The following FBXL13 variants were observed in gnomAD, a reference collection of about 807,000 sequenced individuals.
FBXL13 encodes F-box and leucine rich repeat protein 13, also known as F-box and leucine-rich repeat protein 13.
FBXL13 carries 67 observed loss-of-function variants against 83.6 expected under a neutral mutation model. The observed-to-expected ratio is 0.80, with a 90% CI of 0.66 to 0.98. FBXL13 has a LOEUF of 0.98. FBXL13 is among the 50% of genes least tolerant of loss of function. FBXL13 has a pLI of 0.00. For synonymous variants in FBXL13, 272 were observed against 299.5 expected (o/e 0.91, Z 0.95); for missense variants, 822 against 866.5 (o/e 0.95, Z 0.64).
chr7:102,936,397 A>G (rs1585030522), intron 8 of FBXL13: 1 of 152,210 alleles, frequency 6.6e-6, no homozygotes, highest in Non-Finnish European at 1.5e-5. Context: ...TCACCCTGCA[A>G]TCTTCCAGAA....
chr7:102,875,079 A>T (rs1437528035), intron 16 of FBXL13, among the ~76,000 whole-genome samples: 1 of 152,132 alleles, frequency 6.6e-6, no homozygotes, highest in Non-Finnish European at 1.5e-5. Context: ...ATGTGCTTTG[A>T]TTCTCTACTT....
chr7:102,949,267 AT>A (rs925379925), intron 8 of FBXL13, among the ~76,000 whole-genome samples: 7 of 151,834 alleles, frequency 4.6e-5, no homozygotes, highest in South Asian at 2.1e-4. Context: ...ATCTCTGAGA[AT>A]TTTTTTTTAA....
At position 102,893,510 on chromosome 7, in the gene FBXL13, T is replaced by G. The variant is rs553497172; in HGVS notation, c.1009-9198A>C. ...GGCTGGGCGCGGTGGCTCGCGCCTG[T>G]AATCCCAGCACTTTGGGAGGCCGAG... On this transcript the variant is annotated intron_variant, in intron 11 of 19. Coordinates refer to ENST00000313221, the Ensembl canonical transcript of FBXL13. Among the ~76,000 whole-genome samples the G allele has an allele frequency of 3.8e-3, 573 of 152,194 alleles. 3 individuals carry two copies. The highest frequency in any genetic ancestry group is 0.013 in the African/African-American group (556 of 41,534).
chr7:103,027,987 T>C (rs529452852), intron 4 of FBXL13, among the ~76,000 whole-genome samples: 1 of 152,202 alleles, frequency 6.6e-6, no homozygotes, highest in South Asian at 2.1e-4. Context: ...TTTCGGAGGG[T>C]CCACTCTAAC....
chr7:102,965,723 A>C (rs1231719382), intron 7 of FBXL13, among the ~76,000 whole-genome samples: 2 of 152,228 alleles, frequency 1.3e-5, no homozygotes, highest in African/African-American at 4.8e-5. Flanking sequence ...CTCAGCCAAC[A>C]ATAAAAAATA....
chr7:102,993,789 T>C (rs747447588), intron 6 of FBXL13, among the ~76,000 whole-genome samples: 3 of 152,254 alleles, frequency 2.0e-5, no homozygotes, highest in Non-Finnish European at 4.4e-5. Flanking sequence ...CTTGTTTTCA[T>C]GAGTTGATGT....
At chr7:102,934,142 C>G (rs1175609792) in intron 8 of FBXL13, 1 of 1,614,122 alleles carries the variant, frequency 6.2e-7, no homozygotes, top group Non-Finnish European at 8.5e-7. Flanking sequence ...TTATGTGCTG[C>G]CTGGTTGGCC....
intron 11 of FBXL13, among the ~76,000 whole-genome samples, chr7:102,892,576 A>C (rs1252741790): frequency 2.0e-5 from 3 of 152,208 alleles, no homozygotes; most frequent in African/African-American, 7.2e-5. Flanking sequence ...CAGGAATTGC[A>C]CTGTGATTTT....
At chr7:103,051,634 T>C (rs1426825010) in intron 2 of FBXL13, among the ~76,000 whole-genome samples, 1 of 152,212 alleles carries the variant, frequency 6.6e-6, no homozygotes, top group Non-Finnish European at 1.5e-5. Context: ...TTTAGCCGAA[T>C]TAAATTTAAA....
At chr7:102,998,223 T>G (rs967864034) in intron 6 of FBXL13, among the ~76,000 whole-genome samples, 5 of 152,242 alleles carry the variant, frequency 3.3e-5, no homozygotes, top group African/African-American at 4.8e-5. Context: ...ATCTTTTGCC[T>G]ATTTCAAAAT....
At chr7:103,043,431 G>C (rs370484106) in intron 2 of FBXL13, among the ~76,000 whole-genome samples, 1 of 152,296 alleles carries the variant, frequency 6.6e-6, no homozygotes, top group East Asian at 1.9e-4. Flanking sequence ...CAAGGATCTA[G>C]AACTAGAAAT....
At chr7:103,048,398 C>CTTT (rs34942143) in intron 2 of FBXL13, among the ~76,000 whole-genome samples, 1 of 143,748 alleles carries the variant, frequency 7.0e-6, no homozygotes, top group Non-Finnish European at 1.5e-5. Context: ...TCTTTCCTTT[C>CTTT]TTTTTTTTTT....
chr7:102,990,791 A>AT (rs1332304448), intron 6 of FBXL13, among the ~76,000 whole-genome samples: 6 of 152,242 alleles, frequency 3.9e-5, no homozygotes, highest in Admixed American at 2.0e-4. Context: ...GGGTGAAGGC[A>AT]TATGGCCAGA....
At chr7:102,896,823 AG>A (rs1201468577) in intron 11 of FBXL13, among the ~76,000 whole-genome samples, 6 of 152,190 alleles carry the variant, frequency 3.9e-5, no homozygotes, top group Admixed American at 3.9e-4. Context: ...TTTCCAAATA[AG>A]GTCATATTCT....
At chr7:102,948,433 CTTTTT>C (rs1175532648) in intron 8 of FBXL13, among the ~76,000 whole-genome samples, 1 of 151,384 alleles carries the variant, frequency 6.6e-6, no homozygotes, top group Non-Finnish European at 1.5e-5. Context: ...TATTTATTTT[CTTTTT>C]TTTGACACAG....
intron 1 of FBXL13, among the ~76,000 whole-genome samples, chr7:103,068,683 G>A (rs1423618725): frequency 6.6e-6 from 1 of 152,148 alleles, no homozygotes; most frequent in African/African-American, 2.4e-5. Context: ...GTCTACAAAT[G>A]GGAAGAGAAA....
intron 10 of FBXL13, among the ~76,000 whole-genome samples, chr7:102,919,198 G>T (rs531046726): frequency 3.0e-4 from 46 of 152,300 alleles, no homozygotes; most frequent in South Asian, 2.1e-3. Context: ...AGGAATTGGT[G>T]CTTCTCCTCA....
chr7:102,965,751 C>T (rs1825906869), intron 7 of FBXL13, among the ~76,000 whole-genome samples: 1 of 152,172 alleles, frequency 6.6e-6, no homozygotes, highest in Non-Finnish European at 1.5e-5. Context: ...AAGCATACGT[C>T]CCCCAACAAC....
chr7:103,028,557 A>G, intron 4 of FBXL13, 43 bp downstream of exon 5: 4 of 1,401,592 alleles, frequency 2.9e-6, no homozygotes, highest in Non-Finnish European at 3.8e-6. Flanking sequence ...TATTATTTCA[A>G]TAAATGGATA....
Sources: allele counts gnomAD v4.1 joint callset (sites outside exome capture counted in the v4.1 genomes callset), GRCh38; gene constraint gnomAD v4.1.1; transcripts MANE v1.5; gene names NCBI Gene and HGNC (gene_info 2026-07-23, HGNC 2026-07-21).